The following SNX18 variants were observed in gnomAD, a reference collection of about 807,000 sequenced individuals.
The protein encoded by SNX18 is sorting nexin 18.
SNX18 carries 35 observed loss-of-function variants against 48.7 expected under a neutral mutation model. The ratio of observed to expected loss-of-function variants is 0.72; its 90% CI spans 0.55 to 0.95. The LOEUF (loss-of-function observed/expected upper bound fraction) is 0.95, where lower values mean the gene tolerates loss of function less well. Among genes scored for constraint, SNX18 ranks in the 40% least tolerant of loss-of-function variants. The probability of loss-of-function intolerance (pLI) is 0.00; values close to 1 mark genes in which losing one functional copy is unlikely to be tolerated. For missense variants in SNX18, 824 were observed against 871.0 expected (o/e 0.95, Z 0.68); for synonymous variants, 492 against 384.7 (o/e 1.28, Z -3.26).
At chr5:54,561,764 G>A in the SNX18 span, among the ~76,000 whole-genome samples, 1 of 152,146 alleles carries the variant, frequency 6.6e-6, no homozygotes, top group Non-Finnish European at 1.5e-5. Flanking sequence ...AGTGATGTTT[G>A]TTATGTAGAA....
At position 54,519,493 on chromosome 5, in the gene SNX18, A is replaced by T; in HGVS notation, c.1541A>T (p.Asp514Val). Residue 514 changes from aspartate (D) to valine (V), a missense_variant, in exon 1 of 2, where the codon GAC (aspartate) becomes GTC (valine). By Grantham distance (152) the Asp-to-Val change is radical. Around this residue, in one of 3 missense-constraint regions of SNX18, gnomAD observed 443 missense variants for 503.6 expected, o/e 0.88. Transcript: ENST00000381410. ...GELFAEQPRQ[D>V]LDPVMDLLAL... is the part of the protein sequence containing the mutation. ...CTCTTCGCGGAGCAGCCCAGGCAGG[A>T]CCTGGATCCCGTCATGGACCTATTA... 1 of 1,614,204 alleles carries T rather than the reference A, an allele frequency of 6.2e-7. No individual in the cohort carries two copies. Among genetic ancestry groups the T allele is most frequent in the Non-Finnish European group, 8.5e-7 (1 of 1,180,040 alleles).
the SNX18 span, among the ~76,000 whole-genome samples, chr5:54,614,730 A>G: frequency 6.6e-6 from 1 of 152,176 alleles, no homozygotes; most frequent in Non-Finnish European, 1.5e-5. Context: ...AGGTGGGAGG[A>G]TCACTTGAGC....
the SNX18 span, among the ~76,000 whole-genome samples, chr5:54,595,087 G>C: frequency 6.6e-6 from 1 of 152,132 alleles, no homozygotes; most frequent in Non-Finnish European, 1.5e-5. Context: ...GGGCACCTAG[G>C]TTGATTCCAT....
chr5:54,627,963 C>A, the SNX18 span, among the ~76,000 whole-genome samples: 12 of 152,158 alleles, frequency 7.9e-5, no homozygotes, highest in Non-Finnish European at 1.2e-4. Flanking sequence ...ATTACCCACG[C>A]CTACATCTGG....
intron 1 of SNX18, among the ~76,000 whole-genome samples, chr5:54,528,545 C>T (rs1762188025): frequency 1.3e-5 from 2 of 151,998 alleles, no homozygotes; most frequent in South Asian, 4.1e-4. Context: ...GTGGAAAGCG[C>T]ACTCCTGATC....
the SNX18 span, among the ~76,000 whole-genome samples, chr5:54,646,790 G>C: frequency 1.3e-5 from 2 of 152,164 alleles, no homozygotes; most frequent in Non-Finnish European, 2.9e-5. Flanking sequence ...CCTCCACCCA[G>C]AATGTGTTAC....
the SNX18 span, among the ~76,000 whole-genome samples, chr5:54,612,199 G>T: frequency 6.6e-6 from 1 of 152,080 alleles, no homozygotes; most frequent in African/African-American, 2.4e-5. Context: ...TATTGCTTTG[G>T]CAGAGGAGCA....
At chr5:54,636,816 A>G in the SNX18 span, among the ~76,000 whole-genome samples, 1 of 152,244 alleles carries the variant, frequency 6.6e-6, no homozygotes, top group Non-Finnish European at 1.5e-5. Context: ...CTTACTCCTC[A>G]CAGTGTGTTG....
In SNX18 at chr5:54,526,167, C is replaced by T. The variant is rs113129805; in HGVS notation, c.1621+6594C>T. Among the ~76,000 whole-genome samples, 100 of 152,264 alleles carry T rather than the reference C, an allele frequency of 6.6e-4. 1 individual carries two copies. The highest frequency in any genetic ancestry group is 2.2e-3 in the African/African-American group (92 of 41,556). ...TCACCTAGGCTGCAGTGCAGTGATG[C>T]GATCTCGGCTCACTGCAACCTCTGC... On this transcript the variant is annotated intron_variant, in intron 1 of 1. Coordinates refer to ENST00000381410, the MANE Select transcript of SNX18 (RefSeq NM_001102575.2).
the SNX18 span, among the ~76,000 whole-genome samples, chr5:54,584,642 C>A: frequency 1.3e-5 from 2 of 152,138 alleles, no homozygotes; most frequent in African/African-American, 4.8e-5. Flanking sequence ...CAACAACAAC[C>A]ATTTGTCTCT....
the SNX18 span, among the ~76,000 whole-genome samples, chr5:54,575,945 T>C: frequency 6.6e-6 from 1 of 152,226 alleles, no homozygotes; most frequent in South Asian, 2.1e-4. Context: ...CTAAAAGGCA[T>C]ACAAGCATTC....
the SNX18 span, among the ~76,000 whole-genome samples, chr5:54,575,251 G>A: frequency 0.74 from 111,889 of 151,776 alleles, 41,351 homozygotes; most frequent in Middle Eastern, 0.77. Flanking sequence ...GAGCCCCAGC[G>A]TTTGAGTCTT....
the SNX18 span, among the ~76,000 whole-genome samples, chr5:54,561,504 A>ATTTTTTTTTTTTTTTTTTTTTTTTTTT: frequency 7.5e-6 from 1 of 133,008 alleles, no homozygotes. Flanking sequence ...CGCCCAGCTA[A>ATTTTTTTTTTTTTTTTTTTTTTTTTTT]TTTTTTTTTT....
the SNX18 span, among the ~76,000 whole-genome samples, chr5:54,602,164 T>C: frequency 6.6e-6 from 1 of 152,142 alleles, no homozygotes; most frequent in Non-Finnish European, 1.5e-5. Context: ...TTAGGAGATT[T>C]TTAAGTACAG....
the SNX18 span, among the ~76,000 whole-genome samples, chr5:54,602,782 T>C: frequency 6.6e-6 from 1 of 152,216 alleles, no homozygotes; most frequent in Non-Finnish European, 1.5e-5. Context: ...GATCTTGCCT[T>C]ACTTCTCCCC....
At chr5:54,614,896 C>T in the SNX18 span, among the ~76,000 whole-genome samples, 1 of 152,146 alleles carries the variant, frequency 6.6e-6, no homozygotes, top group Non-Finnish European at 1.5e-5. Flanking sequence ...AACTGTCGTA[C>T]ACACTAACTT....
intron 1 of SNX18, chr5:54,520,950 C>T (rs1762019706): frequency 6.0e-6 from 1 of 167,140 alleles, no homozygotes. Context: ...ATATTGAATT[C>T]GTTTTTTGTG....
the SNX18 span, among the ~76,000 whole-genome samples, chr5:54,594,546 C>A: frequency 6.6e-6 from 1 of 152,096 alleles, no homozygotes; most frequent in Non-Finnish European, 1.5e-5. Flanking sequence ...AAATAATGTG[C>A]TTTATGCTAA....
At chr5:54,633,015 T>C in the SNX18 span, among the ~76,000 whole-genome samples, 2 of 152,026 alleles carry the variant, frequency 1.3e-5, no homozygotes, top group Non-Finnish European at 2.9e-5. Flanking sequence ...CCTCGTGATC[T>C]GCCCGCCTTG....
Sources: allele counts gnomAD v4.1 joint callset (sites outside exome capture counted in the v4.1 genomes callset), GRCh38; gene constraint gnomAD v4.1.1; regional missense constraint gnomAD v4.1.1; transcripts MANE v1.5; gene names NCBI Gene and HGNC (gene_info 2026-07-23, HGNC 2026-07-21).